The following CDK8 variants were observed in gnomAD, a reference collection of about 807,000 sequenced individuals.
The protein encoded by CDK8 is cyclin-dependent kinase 8.
Under a neutral mutation model 71.5 loss-of-function variants are expected in CDK8, and 29 were observed. The ratio of observed to expected loss-of-function variants is 0.41; its 90% confidence interval spans 0.30 to 0.55. The LOEUF (loss-of-function observed/expected upper bound fraction) is 0.55. Ranked by LOEUF, CDK8 falls within the 20% of genes least tolerant of loss-of-function variation. The pLI is 0.37. For synonymous variants in CDK8, 161 were observed against 192.1 expected, an observed-to-expected ratio of 0.84 and a Z score of 1.34; for missense variants, 288 against 572.6, an observed-to-expected ratio of 0.50 and a Z score of 5.07.
chr13:26,380,322 G>A (rs892722329), intron 4 of CDK8, among the ~76,000 whole-genome samples: 5 of 152,022 alleles, frequency 3.3e-5, no homozygotes, highest in African/African-American at 1.2e-4. Context: ...TGGGATTACA[G>A]GCACGCACCA....
chr13:26,274,877 T>A (rs1872504283), intron 1 of CDK8, among the ~76,000 whole-genome samples: 1 of 152,202 alleles, frequency 6.6e-6, no homozygotes, highest in African/African-American at 2.4e-5. Context: ...CTTTTATTGC[T>A]TCTGAGTTTT....
chr13:26,304,224 G>A (rs971434755), intron 1 of CDK8, among the ~76,000 whole-genome samples: 2 of 149,884 alleles, frequency 1.3e-5, no homozygotes, highest in Admixed American at 1.3e-4. Flanking sequence ...AGATTGCGCC[G>A]CTACACTCCA....
At chr13:26,293,725 C>T (rs1873411805) in intron 1 of CDK8, among the ~76,000 whole-genome samples, 1 of 151,536 alleles carries the variant, frequency 6.6e-6, no homozygotes, top group Non-Finnish European at 1.5e-5. Flanking sequence ...TTTATGGTAT[C>T]AACATGTTTT....
At chr13:26,287,640 G>C (rs949177788) in intron 1 of CDK8, among the ~76,000 whole-genome samples, 12 of 152,042 alleles carry the variant, frequency 7.9e-5, no homozygotes, top group African/African-American at 2.4e-4. Flanking sequence ...CAGGTGATGG[G>C]TGCATCAAAA....
At chr13:26,368,680 T>C (rs946197695) in intron 4 of CDK8, among the ~76,000 whole-genome samples, 1 of 152,252 alleles carries the variant, frequency 6.6e-6, no homozygotes, top group African/African-American at 2.4e-5. Context: ...GACTTATTTC[T>C]GTCTTTAAGG....
intron 1 of CDK8, among the ~76,000 whole-genome samples, chr13:26,330,145 G>A (rs775944206): frequency 5.3e-5 from 8 of 152,128 alleles, no homozygotes; most frequent in East Asian, 1.9e-4. Flanking sequence ...TCTATCATCC[G>A]ACTACAGTAC....
At chr13:26,382,058 CCT>C (rs1445554930) in intron 4 of CDK8, among the ~76,000 whole-genome samples, 2 of 152,086 alleles carry the variant, frequency 1.3e-5, no homozygotes, top group African/African-American at 2.4e-5. Flanking sequence ...TTTTTCTTCC[CCT>C]CTCTGCTTTC....
chr13:26,350,022 G>GA, intron 3 of CDK8, among the ~76,000 whole-genome samples: 1 of 152,124 alleles, frequency 6.6e-6, no homozygotes, highest in African/African-American at 2.4e-5. Context: ...ATTCAGTACA[G>GA]TAACATGTAC....
chr13:26,278,602 A>G (rs1404480452), intron 1 of CDK8, among the ~76,000 whole-genome samples: 1 of 152,194 alleles, frequency 6.6e-6, no homozygotes, highest in Non-Finnish European at 1.5e-5. Context: ...ACTGTCTTAC[A>G]TTGTTTGTCT....
rs780546039 is a variant in CDK8, at chr13:26,254,619, C to T, written c.-23C>T. 5.8e-6 allele frequency: 9 copies of T among 1,563,606 alleles called. No individual in the cohort carries two copies. The East Asian group carries it at 9.3e-5, about 16-fold the overall frequency. On this transcript the variant is annotated 5_prime_UTR_variant, in exon 1 of 13. Transcript: ENST00000381527. This position sits in a 1 kb window ranked among gnomAD's most constrained non-coding sequence, Gnocchi z 6.7. ...TGCCCCCCGGCCCCCCGACCCAGCT[C>T]TCCGGCCTCAGAGGCTGTGACAATG... is the stretch of plus-strand genomic sequence containing the variant.
chr13:26,268,695 A>T (rs1337751119), intron 1 of CDK8, among the ~76,000 whole-genome samples: 1 of 152,170 alleles, frequency 6.6e-6, no homozygotes, highest in Non-Finnish European at 1.5e-5. Context: ...GGTATTTAAA[A>T]TTACAGTTAT....
At chr13:26,284,538 TG>T (rs531823711) in intron 1 of CDK8, among the ~76,000 whole-genome samples, 36 of 152,226 alleles carry the variant, frequency 2.4e-4, no homozygotes, top group African/African-American at 8.7e-4. Flanking sequence ...GATAAATTCC[TG>T]GAAATATACT....
Position 26,337,585 on chromosome 13 carries a change from T to C in CDK8, c.147T>C (p.Tyr49=). 6.9e-7 allele frequency: 1 copy of C among 1,456,834 alleles called. No individual in the cohort carries two copies. Among genetic ancestry groups the C allele is most frequent in the Non-Finnish European group, 9.1e-7 (1 of 1,099,796 alleles). The allele number at this position is 1,456,834 out of a possible 1,614,324, so 90.2% of individuals were successfully genotyped here. A position where few individuals can be genotyped will look rare whatever the true frequency, so the allele number is the denominator to read the frequency against. ...KRKDGKDDKD[Y]ALKQIEGTGI... is the part of the protein sequence containing the mutation. Reference sequence around the variant, plus strand: ...TTTACAGGAAGGATGATAAAGACTATGCTTTAAAACAAATAGAAGGAACTG... The same window carrying C: ...TTTACAGGAAGGATGATAAAGACTACGCTTTAAAACAAATAGAAGGAACTG... The change falls in exon 2 of 13, where the codon TAT becomes TAC. Residue 49 remains tyrosine, a synonymous_variant. Coordinates refer to ENST00000381527, the MANE Select transcript of CDK8 (RefSeq NM_001260.3).
chr13:26,382,921 T>C (rs750174273), intron 5 of CDK8, 50 bp downstream of exon 5: 7 of 1,231,060 alleles, frequency 5.7e-6, no homozygotes, highest in East Asian at 2.4e-5. Flanking sequence ...TTAAAACTTT[T>C]GCAGGCAGCT....
intron 4 of CDK8, among the ~76,000 whole-genome samples, chr13:26,363,717 T>G (rs1874255617): frequency 6.6e-6 from 1 of 152,134 alleles, no homozygotes; most frequent in African/African-American, 2.4e-5. Context: ...GTCCTGCAGT[T>G]TATTTTAATT....
intron 4 of CDK8, among the ~76,000 whole-genome samples, chr13:26,361,759 T>A (rs1874144605): frequency 6.6e-6 from 1 of 151,010 alleles, no homozygotes; most frequent in South Asian, 2.1e-4. Context: ...TAAGTAATTT[T>A]CTTTTTGTCT....
In CDK8 at chr13:26,268,256, AACACACACACACACACAC is replaced by A. The variant is rs3027999; in HGVS notation, c.128+13523_128+13540del. ...TGAAAGTTTTGCTCCCCCCTCCCCC[AACACACACACACACACAC>A]ACACACACACACACACACACACACA... On this transcript the variant is annotated intron_variant, in intron 1 of 12. Transcript: ENST00000381527. 1.3e-4 allele frequency among the ~76,000 whole-genome samples: 15 copies of A among 116,792 alleles called. 1 individual carries two copies. Among genetic ancestry groups the A allele is most frequent in the South Asian group, 6.7e-4 (2 of 2,968 alleles). 76.6% of individuals were successfully genotyped at this position (116,792 alleles called of 152,430 possible). A position where few individuals can be genotyped will look rare whatever the true frequency, so the allele number is the denominator to read the frequency against.
chr13:26,321,455 A>G (rs1211555282), intron 1 of CDK8, among the ~76,000 whole-genome samples: 3 of 150,798 alleles, frequency 2.0e-5, no homozygotes, highest in Non-Finnish European at 2.9e-5. Context: ...CTGGAGATGG[A>G]TGGTGGTGAT....
chr13:26,325,150 A>G (rs145026907), intron 1 of CDK8, among the ~76,000 whole-genome samples: 2 of 152,352 alleles, frequency 1.3e-5, no homozygotes, highest in African/African-American at 2.4e-5. Flanking sequence ...CTCAGAGATT[A>G]TAACAGTGCC....
Sources: gnomAD v4.1 joint callset for allele counts (sites outside exome capture counted in the v4.1 genomes callset) on GRCh38, gnomAD v4.1.1 for gene constraint, Gnocchi (gnomAD v3.1) non-coding constraint, MANE v1.5 for transcripts, NCBI Gene and HGNC (gene_info 2026-07-23, HGNC 2026-07-21) for gene names.